The following CRACD variants were observed in gnomAD, a reference collection of about 807,000 sequenced individuals.
CRACD encodes the protein capping protein inhibiting regulator of actin dynamics, also known as capping protein-inhibiting regulator of actin dynamics.
A neutral mutation model predicts 106.8 loss-of-function variants in CRACD; 56 were observed. The ratio of observed to expected loss-of-function variants is 0.52; its 90% CI spans 0.42 to 0.66. The LOEUF (loss-of-function observed/expected upper bound fraction) is 0.66, where lower values mean the gene tolerates loss of function less well. CRACD is among the 30% of genes least tolerant of loss of function. CRACD has a pLI of 0.00. For synonymous variants in CRACD, 754 were observed against 670.8 expected (o/e 1.12, Z -1.92); for missense variants, 1,730 against 1,623.2 (o/e 1.07, Z -1.13).
At chr4:56,263,858 T>G (rs1014185220) in intron 2 of CRACD, among the ~76,000 whole-genome samples, 1 of 152,198 alleles carries the variant, frequency 6.6e-6, no homozygotes, top group South Asian at 2.1e-4. Context: ...GACATAGGTC[T>G]TGAAGAATGA....
chr4:56,195,679 C>T (rs972317830), intron 2 of CRACD, among the ~76,000 whole-genome samples: 3 of 152,160 alleles, frequency 2.0e-5, no homozygotes, highest in Middle Eastern at 3.4e-3. Context: ...GTCGTGAATC[C>T]AGAATATATT....
intron 1 of CRACD, among the ~76,000 whole-genome samples, chr4:56,050,365 AG>A (rs934801524): frequency 1.3e-5 from 2 of 151,478 alleles, no homozygotes; most frequent in African/African-American, 4.9e-5. Flanking sequence ...TAGAATACAA[AG>A]GATAAGGCAG....
At chr4:56,207,741 TTC>T (rs1381178186) in intron 2 of CRACD, among the ~76,000 whole-genome samples, 12 of 108,356 alleles carry the variant, frequency 1.1e-4, no homozygotes, top group African/African-American at 3.5e-4. Context: ...AAAACTTGTT[TTC>T]TCATATATAT....
At chr4:56,133,361 CTGT>C (rs981802694) in intron 1 of CRACD, among the ~76,000 whole-genome samples, 1 of 152,090 alleles carries the variant, frequency 6.6e-6, no homozygotes, top group African/African-American at 2.4e-5. Flanking sequence ...CATGAATTTG[CTGT>C]TGTTGTTTTG....
chr4:56,306,524 C>T (rs376263440), intron 4 of CRACD, among the ~76,000 whole-genome samples: 1 of 151,980 alleles, frequency 6.6e-6, no homozygotes, highest in Non-Finnish European at 1.5e-5. Context: ...AACAAACAAA[C>T]AAACAAACAA....
intron 1 of CRACD, among the ~76,000 whole-genome samples, chr4:56,093,121 G>A (rs983922630): frequency 6.6e-6 from 1 of 151,990 alleles, no homozygotes; most frequent in African/African-American, 2.4e-5. Context: ...CAGTTTATTT[G>A]GTTCTCCTTA....
At chr4:56,092,610 T>A (rs1733457817) in intron 1 of CRACD, among the ~76,000 whole-genome samples, 3 of 152,124 alleles carry the variant, frequency 2.0e-5, no homozygotes, top group South Asian at 4.2e-4. Flanking sequence ...TTTAATTTTT[T>A]AATTTTTTTT....
chr4:56,239,098 G>A (rs1740192283), intron 2 of CRACD, among the ~76,000 whole-genome samples: 1 of 152,078 alleles, frequency 6.6e-6, no homozygotes, highest in African/African-American at 2.4e-5. Context: ...TTCGAGACCA[G>A]CCTGGACAAC....
intron 1 of CRACD, among the ~76,000 whole-genome samples, chr4:56,162,175 G>A (rs79095863): frequency 0.02 from 3,096 of 151,674 alleles, 67 homozygotes; most frequent in Non-Finnish European, 0.03. Flanking sequence ...TATTAGGCTC[G>A]AATTTTTATT....
At chr4:56,173,355 A>G (rs1376971262) in intron 1 of CRACD, among the ~76,000 whole-genome samples, 2 of 152,204 alleles carry the variant, frequency 1.3e-5, no homozygotes, top group African/African-American at 4.8e-5. Flanking sequence ...AATTGTTAAC[A>G]TTTCAGGTGT....
intron 1 of CRACD, among the ~76,000 whole-genome samples, chr4:56,163,670 G>A (rs1046019764): frequency 2.0e-5 from 3 of 151,986 alleles, no homozygotes; most frequent in African/African-American, 7.3e-5. Flanking sequence ...GGAACACTGT[G>A]GTATGCACTC....
At position 56,315,110 on chromosome 4, in the gene CRACD, C is replaced by CG; in HGVS notation, c.1608_1609insG (p.Tyr537ValfsTer117). On this transcript the variant is annotated frameshift_variant, in exon 8 of 11. Transcript: ENST00000682029. LOFTEE classifies it high-confidence loss of function. This position sits in a 1 kb window ranked among gnomAD's most constrained non-coding sequence, Gnocchi z 4.1. ...ACGAGAGACAGACCATGCCCCGGCC[C>CG]TACACGTTCCAGGTGTCCTCCGGAG... is the stretch of plus-strand genomic sequence containing the variant. 1.9e-6 allele frequency: 3 copies of CG among 1,611,116 alleles called. No homozygotes were observed. The highest frequency in any genetic ancestry group is 2.5e-6 in the Non-Finnish European group (3 of 1,179,192).
chr4:56,305,505 C>T (rs747498623), intron 4 of CRACD, among the ~76,000 whole-genome samples: 1 of 144,564 alleles, frequency 6.9e-6, no homozygotes, highest in Non-Finnish European at 1.5e-5. Context: ...CTGTTCTAAC[C>T]ATGCCTGCTT....
intron 2 of CRACD, among the ~76,000 whole-genome samples, chr4:56,254,399 T>G (rs2899062): frequency 1.1e-3 from 3 of 2,718 alleles, no homozygotes; most frequent in Non-Finnish European, 1.7e-3. Context: ...TTTGTGGGGG[T>G]TTTTTTTTTT....
intron 4 of CRACD, among the ~76,000 whole-genome samples, chr4:56,304,827 T>G (rs1251587391): frequency 6.6e-6 from 1 of 151,944 alleles, no homozygotes; most frequent in Non-Finnish European, 1.5e-5. Flanking sequence ...GAAGTAAAGT[T>G]TAAGTATATT....
At chr4:56,051,230 G>A (rs1052250060) in intron 1 of CRACD, among the ~76,000 whole-genome samples, 16 of 152,102 alleles carry the variant, frequency 1.1e-4, no homozygotes, top group Non-Finnish European at 1.9e-4. Context: ...AAATACAAGT[G>A]GATAAAACGT....
At chr4:56,078,965 A>G (rs1302835073) in intron 1 of CRACD, among the ~76,000 whole-genome samples, 4 of 152,196 alleles carry the variant, frequency 2.6e-5, no homozygotes, top group Non-Finnish European at 5.9e-5. Context: ...TATTTATCAG[A>G]CCAAAGTTAT....
chr4:56,205,497 A>G (rs1738079279), intron 2 of CRACD, among the ~76,000 whole-genome samples: 1 of 152,032 alleles, frequency 6.6e-6, no homozygotes, highest in African/African-American at 2.4e-5. Context: ...GTTCTAAGCA[A>G]TTTTACAATC....
chr4:56,151,237 C>T lies in CRACD; in HGVS notation c.-335-28047C>T, dbSNP rs554042411. ...CTGGTCTCGAACTCCTGACCTCAGG[C>T]GATCTGCCTGCCTCAGCCTCTCAAA... On this transcript the variant is annotated intron_variant, in intron 1 of 10. Coordinates refer to ENST00000682029, the MANE Select transcript of CRACD (RefSeq NM_001393381.1). Among the ~76,000 whole-genome samples, 3 of 152,168 alleles carry T rather than the reference C, an allele frequency of 2.0e-5. No homozygotes were observed. The East Asian group carries it at 5.8e-4, about 30-fold the overall frequency.
Sources: allele counts gnomAD v4.1 joint callset (sites outside exome capture counted in the v4.1 genomes callset), GRCh38; gene constraint gnomAD v4.1.1; non-coding constraint Gnocchi (gnomAD v3.1); transcripts MANE v1.5; gene names NCBI Gene and HGNC (gene_info 2026-07-23, HGNC 2026-07-21).